The following PXN variants were observed in gnomAD, a reference collection of about 807,000 sequenced individuals.
The protein encoded by PXN is paxillin.
Under a neutral mutation model 103.6 loss-of-function variants are expected in PXN, and 61 were observed. The ratio of observed to expected loss-of-function variants is 0.59; its 90% CI spans 0.48 to 0.73. The LOEUF (loss-of-function observed/expected upper bound fraction) is 0.73. PXN is among the 30% of genes least tolerant of loss of function. The pLI, the probability that PXN is intolerant of heterozygous loss-of-function variation, is 0.00. For missense variants in PXN, 1,274 were observed against 1,460.3 expected (o/e 0.87, Z 2.08); for synonymous variants, 562 against 607.8 (o/e 0.92, Z 1.11).
chr12:120,249,337 A>T (rs1891760881), intron 1 of PXN, among the ~76,000 whole-genome samples: 1 of 152,144 alleles, frequency 6.6e-6, no homozygotes, highest in Non-Finnish European at 1.5e-5. Context: ...GAGGACTCTA[A>T]GAAAGAATGG....
In PXN at chr12:120,224,292, G is replaced by A. The variant is rs369114302; in HGVS notation, c.99C>T (p.Tyr33=). ...CCTGGTATGTGTGGTTTCCAGTTGG[G>A]TATGAGTAGGGGGTCTCCTCCGACA... ...VFLSEETPYS[Y]PTGNHTYQEI... The change falls in exon 2 of 15, where the codon TAC becomes TAT. Residue 33 remains tyrosine, a synonymous_variant. Transcript: ENST00000637617. The surrounding 1 kb of genome is among the most constrained non-coding windows in gnomAD (Gnocchi z 5.0). 1.5e-4 allele frequency: 243 copies of A among 1,613,854 alleles called. No homozygotes were observed. The highest frequency in any genetic ancestry group is 4.5e-4 in the Admixed American group (27 of 60,010).
chr12:120,211,538 A>G lies in PXN; in HGVS notation c.*776T>C, dbSNP rs1310267616. The G allele has an allele frequency of 1.1e-5, 2 of 177,052 alleles. No individual in the cohort carries two copies. Among genetic ancestry groups the G allele is most frequent in the Non-Finnish European group, 2.5e-5 (2 of 81,332 alleles). The allele number at this position is 177,052 out of a possible 1,614,324, so 11.0% of individuals were successfully genotyped here. A position where few individuals can be genotyped will look rare whatever the true frequency, so the allele number is the denominator to read the frequency against. ...AGGGAACGTCTTTAAAATCTCTTCAAAATCATTTTGTATAGAGAAGTAAAA... is the reference window on the plus strand; with the variant it reads ...AGGGAACGTCTTTAAAATCTCTTCAGAATCATTTTGTATAGAGAAGTAAAA... On this transcript the variant is annotated 3_prime_UTR_variant, in exon 15 of 15. Transcript: ENST00000637617.
At chr12:120,245,756 C>A (rs1890982096) in intron 1 of PXN, among the ~76,000 whole-genome samples, 1 of 147,544 alleles carries the variant, frequency 6.8e-6, no homozygotes, top group Non-Finnish European at 1.5e-5. Context: ...CGACTGCACT[C>A]CAGCCTGGGC....
At chr12:120,242,312 C>T (rs1367177074) in intron 1 of PXN, among the ~76,000 whole-genome samples, 2 of 152,170 alleles carry the variant, frequency 1.3e-5, no homozygotes, top group African/African-American at 2.4e-5. Flanking sequence ...AGACCATGGG[C>T]TCCCTTCCTC....
Position 120,214,711 on chromosome 12 carries a change from G to A in PXN, c.2748+114C>T, listed in dbSNP as rs1881969475. 3 of 1,380,954 alleles carry A rather than the reference G, an allele frequency of 2.2e-6. No homozygotes were observed. Among genetic ancestry groups the A allele is most frequent in the African/African-American group, 1.4e-5 (1 of 70,468 alleles). The allele number at this position is 1,380,954 out of a possible 1,614,324, so 85.5% of individuals were successfully genotyped here. On this transcript the variant is annotated intron_variant, in intron 12 of 14. Transcript: ENST00000637617. This position sits in a 1 kb window ranked among gnomAD's most constrained non-coding sequence, Gnocchi z 5.0. ...CGGCCCCACTGTTCCCTAGCCCTGT[G>A]AGCCTCGGGCATGTGACCTCTCTGA... is the stretch of plus-strand genomic sequence containing the variant.
Position 120,221,887 on chromosome 12 carries a change from C to T in PXN, c.696-129G>A. On this transcript the variant is annotated intron_variant, in intron 5 of 14. Coordinates refer to ENST00000637617, the MANE Select transcript of PXN (RefSeq NM_001385981.1). The surrounding 1 kb of genome is among the most constrained non-coding windows in gnomAD (Gnocchi z 6.6). ...AACCCCAGGGAGGTCCACCAGCTCCCTGTCTCTCCTGGGGACCCATCACTG... is the reference window on the plus strand; with the variant it reads ...AACCCCAGGGAGGTCCACCAGCTCCTTGTCTCTCCTGGGGACCCATCACTG... 7.4e-7 allele frequency: 1 copy of T among 1,352,294 alleles called. No individual in the cohort carries two copies. The highest frequency in any genetic ancestry group is 9.8e-7 in the Non-Finnish European group (1 of 1,015,752). The allele number at this position is 1,352,294 out of a possible 1,614,324, so 83.8% of individuals were successfully genotyped here.
Position 120,216,197 on chromosome 12 carries a change from T to C in PXN, c.2301+76A>G. ...GTATCTGTGTATGTGTGTGTGCACG[T>C]GTGTGTGTGCAGAGTGGGGGATGGC... On this transcript the variant is annotated intron_variant, in intron 9 of 14. Transcript: ENST00000637617. The surrounding 1 kb of genome is among the most constrained non-coding windows in gnomAD (Gnocchi z 5.1). The C allele has an allele frequency of 7.9e-7, 1 of 1,265,758 alleles. No homozygotes were observed. The highest frequency in any genetic ancestry group is 9.9e-7 in the Non-Finnish European group (1 of 1,008,672). The allele number at this position is 1,265,758 out of a possible 1,614,324, so 78.4% of individuals were successfully genotyped here. A position where few individuals can be genotyped will look rare whatever the true frequency, so the allele number is the denominator to read the frequency against.
rs755586877 is a variant in PXN, at chr12:120,216,749, C to G, written c.1992+92G>C. On this transcript the variant is annotated intron_variant, in intron 8 of 14. Coordinates refer to ENST00000637617, the MANE Select transcript of PXN (RefSeq NM_001385981.1). This position sits in a 1 kb window ranked among gnomAD's most constrained non-coding sequence, Gnocchi z 5.1. ...AGAAACCCCCACCCTCTCCCCAGAT[C>G]TCCCCTCCGGCCAGCACTGGGGCCA... The G allele has an allele frequency of 1.3e-6, 2 of 1,594,666 alleles. No homozygotes were observed. The highest frequency in any genetic ancestry group is 1.7e-6 in the Non-Finnish European group (2 of 1,178,652).
chr12:120,212,536 G>A lies in PXN; in HGVS notation c.3024C>T (p.Asp1008=), dbSNP rs375660081. The A allele has an allele frequency of 2.5e-5, 41 of 1,613,478 alleles. No homozygotes were observed. Among genetic ancestry groups the A allele is most frequent in the Non-Finnish European group, 3.2e-5 (38 of 1,179,682 alleles). Residue 1008 remains aspartate, a synonymous_variant, in exon 15 of 15, where the codon GAC becomes GAT. Coordinates refer to ENST00000637617, the MANE Select transcript of PXN (RefSeq NM_001385981.1). The surrounding 1 kb of genome is among the most constrained non-coding windows in gnomAD (Gnocchi z 7.2). ...PFVNGSFFEH[D]GQPYCEVHYH... ...AGTGCACCTCACAGTAGGGCTGCCCGTCGTGCTCGAAGAAGCTGCCGTTCA... is the reference window on the plus strand; with the variant it reads ...AGTGCACCTCACAGTAGGGCTGCCCATCGTGCTCGAAGAAGCTGCCGTTCA...
chr12:120,224,649 G>C lies in PXN; in HGVS notation c.14-272C>G. ...GCCCTGTGGGATCTCCTACCTCTGG[G>C]AGTCAGGCACCTGGCACTGCGTTCC... On this transcript the variant is annotated intron_variant, in intron 1 of 14. Transcript: ENST00000637617. The surrounding 1 kb of genome is among the most constrained non-coding windows in gnomAD (Gnocchi z 5.0). 1.5e-6 allele frequency: 1 copy of C among 662,238 alleles called. No individual in the cohort carries two copies. Among genetic ancestry groups the C allele is most frequent in the East Asian group, 3.0e-5 (1 of 33,548 alleles). 41.0% of individuals were successfully genotyped at this position (662,238 alleles called of 1,614,324 possible).
chr12:120,219,103 A>G lies in PXN; in HGVS notation c.1716+104T>C. ...ACAGTGTCTCAGCATTTTCTGCCCAAGCAGACATGCGCAGAGTGGGAGGCT... is the reference window on the plus strand; with the variant it reads ...ACAGTGTCTCAGCATTTTCTGCCCAGGCAGACATGCGCAGAGTGGGAGGCT... On this transcript the variant is annotated intron_variant, in intron 7 of 14. Coordinates refer to ENST00000637617, the MANE Select transcript of PXN (RefSeq NM_001385981.1). This position sits in a 1 kb window ranked among gnomAD's most constrained non-coding sequence, Gnocchi z 6.5. 2.4e-6 allele frequency: 3 copies of G among 1,243,818 alleles called. No individual in the cohort carries two copies. The highest frequency in any genetic ancestry group is 2.6e-5 in the East Asian group (1 of 38,830). 77.0% of individuals were successfully genotyped at this position (1,243,818 alleles called of 1,614,324 possible). A position where few individuals can be genotyped will look rare whatever the true frequency, so the allele number is the denominator to read the frequency against.
chr12:120,251,996 G>A (rs1892272044), intron 1 of PXN, among the ~76,000 whole-genome samples: 2 of 152,128 alleles, frequency 1.3e-5, no homozygotes, highest in African/African-American at 4.8e-5. Context: ...CATGGATTAG[G>A]AGACCAAGGC....
intron 3 of PXN, among the ~76,000 whole-genome samples, chr12:120,223,270 C>T (rs754310565): frequency 1.1e-4 from 17 of 151,860 alleles, no homozygotes; most frequent in African/African-American, 3.6e-4. Context: ...GGTGAAACCC[C>T]GTCTCTACTA....
chr12:120,230,698 T>A (rs1887850624), intron 1 of PXN, among the ~76,000 whole-genome samples: 1 of 135,818 alleles, frequency 7.4e-6, no homozygotes, highest in South Asian at 2.3e-4. Flanking sequence ...GCAGAGGTAA[T>A]CTAATCCGCA....
At position 120,228,185 on chromosome 12, in the gene PXN, G is replaced by A. The variant is rs1887288178; in HGVS notation, c.14-3808C>T. On this transcript the variant is annotated intron_variant, in intron 1 of 14. Transcript: ENST00000637617. The surrounding 1 kb of genome is among the most constrained non-coding windows in gnomAD (Gnocchi z 4.7). ...GAAGTAGTCGGGAGACCTCATTCAA[G>A]CTAAGAAAGGCCTCAAATTTCCTTG... 6.6e-6 allele frequency among the ~76,000 whole-genome samples: 1 copy of A among 152,206 alleles called. No individual in the cohort carries two copies. Among genetic ancestry groups the A allele is most frequent in the African/African-American group, 2.4e-5 (1 of 41,446 alleles).
intron 1 of PXN, among the ~76,000 whole-genome samples, chr12:120,252,998 C>CA (rs1254384939): frequency 0.032 from 1,547 of 48,178 alleles, 25 homozygotes; most frequent in South Asian, 0.045. Context: ...GACTCTGTCT[C>CA]AAAAAAAAAA....
At chr12:120,254,041 T>A (rs1892619413) in intron 1 of PXN, among the ~76,000 whole-genome samples, 1 of 151,900 alleles carries the variant, frequency 6.6e-6, no homozygotes, top group Non-Finnish European at 1.5e-5. Context: ...CCACCACGCT[T>A]GGCTAATTTT....
At position 120,219,628 on chromosome 12, in the gene PXN, G is replaced by T. The variant is rs1387827733; in HGVS notation, c.1295C>A (p.Ala432Asp). 1 of 1,570,344 alleles carries T rather than the reference G, an allele frequency of 6.4e-7. No homozygotes were observed. Among genetic ancestry groups the T allele is most frequent in the Non-Finnish European group, 8.6e-7 (1 of 1,166,396 alleles). Residue 432 changes from alanine (A) to aspartate (D), a missense_variant, in exon 7 of 15, where the codon GCT (alanine) becomes GAT (aspartate). Around this residue, in one of 2 missense-constraint regions of PXN, gnomAD observed 1,178 missense variants for 1,309.0 expected, o/e 0.90. Coordinates refer to ENST00000637617, the MANE Select transcript of PXN (RefSeq NM_001385981.1). The surrounding 1 kb of genome is among the most constrained non-coding windows in gnomAD (Gnocchi z 6.5). Reference sequence around the variant, plus strand: ...AGCCCATGGCTGCTCCCATGTGGCAGCCAAGGCCTCCTCTGGGCACGAAGG... The same window carrying T: ...AGCCCATGGCTGCTCCCATGTGGCATCCAAGGCCTCCTCTGGGCACGAAGG... ...ASPSCPEEAL[A>D]ATWEQPWASE...
chr12:120,218,042 A>ATTTTT (rs1167466002), intron 7 of PXN, among the ~76,000 whole-genome samples: 1 of 99,248 alleles, frequency 1.0e-5, no homozygotes. Flanking sequence ...AGCTTGGGGG[A>ATTTTT]TTTTTTTTTT....
Sources: gnomAD v4.1 joint callset for allele counts (sites outside exome capture counted in the v4.1 genomes callset) on GRCh38, gnomAD v4.1.1 for gene constraint, gnomAD v4.1.1 regional missense constraint, Gnocchi (gnomAD v3.1) non-coding constraint, MANE v1.5 for transcripts, NCBI Gene and HGNC (gene_info 2026-07-23, HGNC 2026-07-21) for gene names.